Variants in LTBP1 observed in about 807,000 individuals in gnomAD.
LTBP1 encodes latent transforming growth factor beta binding protein 1.
LTBP1 carries 129 observed loss-of-function variants against 207.6 expected under a neutral mutation model. The ratio of observed to expected loss-of-function variants is 0.62; its 90% CI spans 0.54 to 0.72. The LOEUF (loss-of-function observed/expected upper bound fraction) is 0.72, where lower values mean the gene tolerates loss of function less well. Ranked by LOEUF, LTBP1 falls within the 30% of genes least tolerant of loss-of-function variation. The pLI, the probability that LTBP1 is intolerant of heterozygous loss-of-function variation, is 0.00. For missense variants in LTBP1, 2,281 were observed against 2,217.2 expected, an observed-to-expected ratio of 1.03 and a Z score of -0.58; for synonymous variants, 963 against 833.7, an observed-to-expected ratio of 1.16 and a Z score of -2.67.
intron 3 of LTBP1, among the ~76,000 whole-genome samples, chr2:33,035,389 A>G (rs573131313): frequency 6.6e-6 from 1 of 152,368 alleles, no homozygotes; most frequent in African/African-American, 2.4e-5. Context: ...GGAAAAACAC[A>G]TTTTGAGACC....
chr2:32,998,128 A>G (rs1685557088), intron 2 of LTBP1, among the ~76,000 whole-genome samples: 1 of 151,978 alleles, frequency 6.6e-6, no homozygotes, highest in Non-Finnish European at 1.5e-5. Flanking sequence ...TAACTCTTGG[A>G]CTCCTCCCCA....
intron 9 of LTBP1, among the ~76,000 whole-genome samples, chr2:33,223,613 C>A (rs1020622760): frequency 6.6e-6 from 1 of 152,034 alleles, no homozygotes; most frequent in African/African-American, 2.4e-5. Context: ...ACAATATAAA[C>A]CAAGTTATTG....
chr2:33,165,986 T>C (rs923202169), intron 5 of LTBP1, among the ~76,000 whole-genome samples: 3 of 152,134 alleles, frequency 2.0e-5, no homozygotes, highest in African/African-American at 4.8e-5. Context: ...TTTTCAAGTT[T>C]CTAATTCAGT....
intron 7 of LTBP1, among the ~76,000 whole-genome samples, chr2:33,209,864 C>T (rs1217469791): frequency 6.6e-6 from 1 of 152,208 alleles, no homozygotes; most frequent in Non-Finnish European, 1.5e-5. Context: ...GTCCGTCTCA[C>T]ATGTGTTGTC....
At chr2:33,395,570 C>T (rs1447858108) in intron 32 of LTBP1, among the ~76,000 whole-genome samples, 2 of 152,138 alleles carry the variant, frequency 1.3e-5, no homozygotes, top group Non-Finnish European at 2.9e-5. Context: ...CACCTATCTC[C>T]CCTCAGGGCA....
intron 19 of LTBP1, among the ~76,000 whole-genome samples, chr2:33,290,848 G>A (rs778243286): frequency 4.6e-5 from 7 of 152,248 alleles, no homozygotes; most frequent in Non-Finnish European, 8.8e-5. Context: ...GAGATGTCCA[G>A]TAGACTTACC....
At chr2:33,000,405 C>A (rs968637824) in intron 2 of LTBP1, among the ~76,000 whole-genome samples, 1 of 135,398 alleles carries the variant, frequency 7.4e-6, no homozygotes, top group Non-Finnish European at 1.6e-5. Flanking sequence ...TCCTGTGGAG[C>A]ATGAGCCGTG....
chr2:32,989,033 G>T (rs1287557338), intron 2 of LTBP1, among the ~76,000 whole-genome samples: 1 of 152,068 alleles, frequency 6.6e-6, no homozygotes, highest in African/African-American at 2.4e-5. Context: ...AGATTCAGAC[G>T]ATAAGTTCAT....
intron 31 of LTBP1, among the ~76,000 whole-genome samples, chr2:33,387,245 G>A (rs574358596): frequency 2.0e-5 from 3 of 152,270 alleles, no homozygotes; most frequent in African/African-American, 7.2e-5. Flanking sequence ...AAAAATAATG[G>A]GAGAAGATGA....
intron 4 of LTBP1, among the ~76,000 whole-genome samples, chr2:33,114,717 A>G (rs1236871739): frequency 6.6e-6 from 1 of 152,172 alleles, no homozygotes; most frequent in East Asian, 1.9e-4. Flanking sequence ...TTGGGAAAGG[A>G]ATGGGATGTT....
chr2:33,211,234 T>G (rs1365735915), intron 7 of LTBP1, among the ~76,000 whole-genome samples: 1 of 152,194 alleles, frequency 6.6e-6, no homozygotes, highest in Non-Finnish European at 1.5e-5. Flanking sequence ...ATCTGAAGAC[T>G]TTTAATAAAT....
rs879714056 is a variant in LTBP1, at chr2:33,078,857, C to CTTTTTT, written c.864-31721_864-31720insTTTTTT. ...CTTCTCTTCTGTTTTCTTTTCTTTT[C>CTTTTTT]TTTTCTTTTTTTTTTTTTTTGAGAC... is the stretch of plus-strand genomic sequence containing the variant. On this transcript the variant is annotated intron_variant, in intron 3 of 33. Coordinates refer to ENST00000404816, the MANE Select transcript of LTBP1 (RefSeq NM_206943.4). 3.0e-3 allele frequency among the ~76,000 whole-genome samples: 272 copies of CTTTTTT among 92,066 alleles called. 11 individuals carry two copies. Among genetic ancestry groups the CTTTTTT allele is most frequent in the South Asian group, 8.9e-3 (19 of 2,126 alleles). The allele number at this position is 92,066 out of a possible 152,430, so 60.4% of individuals were successfully genotyped here.
At chr2:33,182,839 A>G (rs1159903459) in intron 5 of LTBP1, among the ~76,000 whole-genome samples, 2 of 151,272 alleles carry the variant, frequency 1.3e-5, no homozygotes, top group African/African-American at 4.9e-5. Flanking sequence ...CAATTTAAAA[A>G]TGATGAGTTC....
At chr2:33,136,294 A>G (rs754759149) in intron 5 of LTBP1, among the ~76,000 whole-genome samples, 1 of 152,206 alleles carries the variant, frequency 6.6e-6, no homozygotes, top group Non-Finnish European at 1.5e-5. Context: ...AAGTGAACTG[A>G]TGATCAGGAA....
rs750125533 is a variant in LTBP1 at position 33,188,546 on chromosome 2, A to G, written c.1427-31A>G. The stretch of plus-strand genomic sequence containing the variant: ...TTGATTTGCCTGTTAGTTATTCAGG[A>G]CTAACAAGTTTTCCTCCCAATCTGT... On this transcript the variant is annotated intron_variant, in intron 6 of 33. Coordinates refer to ENST00000404816, the MANE Select transcript of LTBP1 (RefSeq NM_206943.4). The G allele has an allele frequency of 2.5e-6, 4 of 1,579,792 alleles. No homozygotes were observed. In the African/African-American group the frequency reaches 5.4e-5, roughly 21 times the overall value.
chr2:32,954,927 AT>A (rs1333835141), intron 2 of LTBP1, among the ~76,000 whole-genome samples: 1 of 152,140 alleles, frequency 6.6e-6, no homozygotes, highest in Non-Finnish European at 1.5e-5. Context: ...GCCACAGGTA[AT>A]TTTGGTGATG....
At chr2:32,960,963 G>A (rs1320114429) in intron 2 of LTBP1, among the ~76,000 whole-genome samples, 1 of 152,042 alleles carries the variant, frequency 6.6e-6, no homozygotes, top group Non-Finnish European at 1.5e-5. Flanking sequence ...AACAAGAGGG[G>A]ACTGTACAAC....
chr2:33,138,594 C>A (rs796336687), intron 5 of LTBP1, among the ~76,000 whole-genome samples: 3 of 152,136 alleles, frequency 2.0e-5, no homozygotes, highest in African/African-American at 7.2e-5. Context: ...ATGCAGATGA[C>A]CTTCTGGGAT....
chr2:32,964,802 G>C (rs12470573), intron 2 of LTBP1, among the ~76,000 whole-genome samples: 7,552 of 152,008 alleles, frequency 0.05, 490 homozygotes, highest in East Asian at 0.24. Flanking sequence ...TAGCACTTTG[G>C]GAGGCTGAGG....
Sources: allele counts gnomAD v4.1 joint callset (sites outside exome capture counted in the v4.1 genomes callset), GRCh38; gene constraint gnomAD v4.1.1; transcripts MANE v1.5; gene names NCBI Gene and HGNC (gene_info 2026-07-23, HGNC 2026-07-21).